FAM234B: variants seen among roughly 807,000 people sequenced by gnomAD.
FAM234B encodes the protein protein FAM234B.
Under a neutral mutation model 69.3 loss-of-function variants are expected in FAM234B, and 33 were observed. That is an observed-to-expected ratio of 0.48 (90% CI 0.36 to 0.64). FAM234B has a LOEUF of 0.64. Ranked by LOEUF, FAM234B falls within the 30% of genes least tolerant of loss-of-function variation. The pLI, the probability that FAM234B is intolerant of heterozygous loss-of-function variation, is 0.00. For missense variants in FAM234B, 697 were observed against 769.7 expected, an observed-to-expected ratio of 0.91 and a Z score of 1.12; for synonymous variants, 306 against 306.9, an observed-to-expected ratio of 1.00 and a Z score of 0.03.
In FAM234B at chr12:13,067,217, C is replaced by T. The variant is rs1490725405; in HGVS notation, c.1063C>T (p.Pro355Ser). ...TCAGGCCCAAAATCGAGACAGCTCA[C>T]CACCTTCTCTGCAGATAGAAGAGCC... Reference protein sequence around the residue: ...FVQAQNRDSSPPSLQIEEPEW... With the variant: ...FVQAQNRDSSSPSLQIEEPEW... Residue 355 changes from proline (P) to serine (S), a missense_variant, in exon 7 of 13, where the codon CCA (proline) becomes TCA (serine). Transcript: ENST00000197268. This position sits in a 1 kb window ranked among gnomAD's most constrained non-coding sequence, Gnocchi z 4.7. 6.2e-7 allele frequency: 1 copy of T among 1,613,904 alleles called. No individual in the cohort carries two copies. Among genetic ancestry groups the T allele is most frequent in the Admixed American group, 1.7e-5 (1 of 60,000 alleles).
At chr12:13,061,525 T>C in intron 3 of FAM234B, 50 bp from the exon 4 acceptor site, 1 of 1,518,714 alleles carries the variant, frequency 6.6e-7, no homozygotes, top group Non-Finnish European at 9.0e-7. Context: ...TCTCTGCCTC[T>C]TATCTCCTTT....
chr12:13,072,945 C>G (rs1213250122), intron 10 of FAM234B, among the ~76,000 whole-genome samples: 1 of 151,994 alleles, frequency 6.6e-6, no homozygotes, highest in African/African-American at 2.4e-5. Context: ...AAGAAAGTCA[C>G]AAGGAGCTAA....
chr12:13,068,147 A>G lies in FAM234B; in HGVS notation c.1143-157A>G, dbSNP rs558305497. On this transcript the variant is annotated intron_variant, in intron 7 of 12. Transcript: ENST00000197268. ...TCTAAGGTCAAGAAAATGAGATTCAACTGAAACAACAGTACATCCCACTTG... is the reference window on the plus strand; with the variant it reads ...TCTAAGGTCAAGAAAATGAGATTCAGCTGAAACAACAGTACATCCCACTTG... Among the ~76,000 whole-genome samples, 8 of 152,368 alleles carry G rather than the reference A, an allele frequency of 5.3e-5. No individual in the cohort carries two copies. In the East Asian group the frequency reaches 1.3e-3, roughly 26 times the overall value.
rs765542458 is a variant in FAM234B at position 13,055,944 on chromosome 12, G to A, written c.431G>A (p.Gly144Glu). ...TGGAGCCGCCACTTGGGCTCCCAGGGAGGTGAGCTGCAGAATCTTCAGCCC... is the reference window on the plus strand; with the variant it reads ...TGGAGCCGCCACTTGGGCTCCCAGGAAGGTGAGCTGCAGAATCTTCAGCCC... The part of the protein sequence containing the change: ...STWSRHLGSQ[G>E]GGDLSPLELA... The change falls in exon 2 of 13, where the codon GGA (glycine) becomes GAA (glutamate). Residue 144 changes from glycine (G) to glutamate (E), a missense_variant and splice_region_variant. This residue lies in a region of FAM234B where 380 missense variants were observed against 447.1 expected (regional missense o/e 0.85). Coordinates refer to ENST00000197268, the MANE Select transcript of FAM234B (RefSeq NM_020853.2). 3.9e-6 allele frequency: 6 copies of A among 1,551,872 alleles called. No homozygotes were observed. In the East Asian group the frequency reaches 1.4e-4, roughly 35 times the overall value.
chr12:13,072,271 T>A (rs1266333957), intron 10 of FAM234B, among the ~76,000 whole-genome samples: 2 of 152,166 alleles, frequency 1.3e-5, no homozygotes, highest in Non-Finnish European at 1.5e-5. Context: ...CATGCTAATA[T>A]ATTTACTCAT....
At chr12:13,062,790 C>G in intron 4 of FAM234B, 55 bp from the exon 5 acceptor site, 1 of 1,593,298 alleles carries the variant, frequency 6.3e-7, no homozygotes, top group Non-Finnish European at 8.6e-7. Context: ...ATGGCATCTG[C>G]CTTTTCCAAA....
At chr12:13,065,738 A>G (rs1177024130) in intron 5 of FAM234B, among the ~76,000 whole-genome samples, 1 of 152,220 alleles carries the variant, frequency 6.6e-6, no homozygotes, top group African/African-American at 2.4e-5. Flanking sequence ...AATGTTTAAT[A>G]GGAATGGGGC....
In FAM234B at chr12:13,082,824, C is replaced by T. The variant is rs946445115; in HGVS notation, c.*2194C>T. The T allele has an allele frequency of 3.3e-5, 5 of 152,096 alleles. No individual in the cohort carries two copies. Among genetic ancestry groups the T allele is most frequent in the African/African-American group, 1.2e-4 (5 of 41,398 alleles). 9.4% of individuals were successfully genotyped at this position (152,096 alleles called of 1,614,324 possible). A position where few individuals can be genotyped will look rare whatever the true frequency, so the allele number is the denominator to read the frequency against. ...TTGGTGGGATTGTTTGGGCAGAGGA[C>T]TGTGTTTATGCAGGGCAAATCCCAG... On this transcript the variant is annotated 3_prime_UTR_variant, in exon 13 of 13. Transcript: ENST00000197268.
chr12:13,077,947 T>A (rs976955484), intron 11 of FAM234B, among the ~76,000 whole-genome samples: 1 of 151,902 alleles, frequency 6.6e-6, no homozygotes, highest in South Asian at 2.1e-4. Context: ...CCTGACTTTT[T>A]AATGATTGCC....
chr12:13,047,943 A>G (rs1365248557), intron 1 of FAM234B, among the ~76,000 whole-genome samples: 5 of 152,212 alleles, frequency 3.3e-5, no homozygotes, highest in Non-Finnish European at 7.3e-5. Flanking sequence ...AGATAGAAAA[A>G]ATATTATTAA....
intron 2 of FAM234B, among the ~76,000 whole-genome samples, 176 bp downstream of exon 2, chr12:13,056,122 C>T (rs1178360310): frequency 6.6e-6 from 1 of 152,222 alleles, no homozygotes; most frequent in African/African-American, 2.4e-5. Context: ...ACAAACACCT[C>T]CAAAAACCTG....
rs778071358 is a variant in FAM234B at position 13,068,714 on chromosome 12, A to C, written c.1368+3A>C. 1 of 1,593,692 alleles carries C rather than the reference A, an allele frequency of 6.3e-7. No individual in the cohort carries two copies. The highest frequency in any genetic ancestry group is 1.1e-5 in the South Asian group (1 of 90,508). On this transcript the variant is annotated splice_donor_region_variant and intron_variant, in intron 9 of 12. Transcript: ENST00000197268. The stretch of plus-strand genomic sequence containing the variant: ...AGGATGGAGTTGGGATGAAAAAGGT[A>C]AAACTTTGGGCCTCAGATCAATCAA...
In FAM234B at chr12:13,061,769, T is replaced by C. The variant is rs777985653; in HGVS notation, c.721+6T>C. ...CGCATTCAATGCAACGTCAGGTAAA[T>C]ACCATTTACCACAAAAGAACTTTGC... is the stretch of plus-strand genomic sequence containing the variant. On this transcript the variant is annotated splice_donor_region_variant and intron_variant, in intron 4 of 12. Transcript: ENST00000197268. 1.2e-6 allele frequency: 2 copies of C among 1,610,958 alleles called. No individual in the cohort carries two copies. The highest frequency in any genetic ancestry group is 2.2e-5 in the South Asian group (2 of 90,884).
intron 2 of FAM234B, among the ~76,000 whole-genome samples, chr12:13,057,121 G>A (rs1864938495): frequency 6.6e-6 from 1 of 151,970 alleles, no homozygotes; most frequent in Non-Finnish European, 1.5e-5. Context: ...GGGATTGCAG[G>A]AGCTCGCCAC....
chr12:13,065,670 G>A (rs13377967), intron 5 of FAM234B, among the ~76,000 whole-genome samples: 22,418 of 151,916 alleles, frequency 0.15, 1,843 homozygotes, highest in Admixed American at 0.21. Context: ...TGCCATATTA[G>A]CTATCCCTCT....
chr12:13,066,606 C>T, intron 5 of FAM234B, 34 bp from the exon 6 acceptor site: 2 of 1,587,464 alleles, frequency 1.3e-6, no homozygotes, highest in East Asian at 4.5e-5. Context: ...GATAGGGCTT[C>T]TATTGACTCC....
At chr12:13,050,582 G>A (rs1390703669) in intron 1 of FAM234B, among the ~76,000 whole-genome samples, 2 of 152,198 alleles carry the variant, frequency 1.3e-5, no homozygotes, top group Non-Finnish European at 2.9e-5. Flanking sequence ...AAGGGAGGTA[G>A]TATAACTTGT....
chr12:13,054,418 T>A (rs2120453957), intron 1 of FAM234B, among the ~76,000 whole-genome samples: 1 of 152,334 alleles, frequency 6.6e-6, no homozygotes, highest in East Asian at 1.9e-4. Flanking sequence ...CCCGCAACAA[T>A]CTGGTCTCCA....
At chr12:13,073,891 ATTTTG>A (rs1434307845) in intron 10 of FAM234B, among the ~76,000 whole-genome samples, 1 of 152,182 alleles carries the variant, frequency 6.6e-6, no homozygotes, top group African/African-American at 2.4e-5. Context: ...CTCCGACATC[ATTTTG>A]TCCCTCGTGA....
Sources: allele counts gnomAD v4.1 joint callset (sites outside exome capture counted in the v4.1 genomes callset), GRCh38; gene constraint gnomAD v4.1.1; regional missense constraint gnomAD v4.1.1; non-coding constraint Gnocchi (gnomAD v3.1); transcripts MANE v1.5; gene names NCBI Gene and HGNC (gene_info 2026-07-23, HGNC 2026-07-21).